The following JAZF1 variants were observed in gnomAD, a reference collection of about 807,000 sequenced individuals.
The protein encoded by JAZF1 is JAZF zinc finger 1.
In JAZF1, 8 loss-of-function variants were observed where a neutral mutation model predicts 26.4. The observed-to-expected ratio is 0.30, with a 90% confidence interval of 0.18 to 0.55. The LOEUF is 0.55. JAZF1 is among the 20% of genes least tolerant of loss of function. JAZF1 has a pLI of 0.94. For missense variants in JAZF1, 199 were observed against 322.0 expected (o/e 0.62, Z 2.92); for synonymous variants, 126 against 122.3 (o/e 1.03, Z -0.20).
intron 3 of JAZF1, among the ~76,000 whole-genome samples, chr7:27,879,745 C>A (rs571000838): frequency 6.6e-6 from 1 of 152,002 alleles, no homozygotes; most frequent in Non-Finnish European, 1.5e-5. Context: ...AGAAAATATA[C>A]TTGAATGAGA....
chr7:27,845,218 A>G (rs999923853), intron 3 of JAZF1, among the ~76,000 whole-genome samples: 1 of 152,254 alleles, frequency 6.6e-6, no homozygotes, highest in Non-Finnish European at 1.5e-5. Context: ...TGTGAGAGTC[A>G]CAGAAAGAAT....
intron 2 of JAZF1, among the ~76,000 whole-genome samples, chr7:27,896,422 G>C (rs1691191720): frequency 1.3e-5 from 2 of 152,148 alleles, no homozygotes; most frequent in South Asian, 4.1e-4. Flanking sequence ...ATGTATGATA[G>C]CGTTCAGATG....
chr7:28,020,759 C>A (rs778963300), intron 1 of JAZF1: 4 of 465,172 alleles, frequency 8.6e-6, no homozygotes, highest in South Asian at 6.2e-5. Flanking sequence ...GCCTCTGCAG[C>A]CTTGGCTGAG....
chr7:27,984,904 A>C (rs549392674), intron 2 of JAZF1, among the ~76,000 whole-genome samples: 20 of 152,340 alleles, frequency 1.3e-4, no homozygotes, highest in African/African-American at 4.6e-4. Context: ...TTTGAAACCA[A>C]TGAGAACAAA....
chr7:27,849,908 C>A (rs1210077559), intron 3 of JAZF1, among the ~76,000 whole-genome samples: 1 of 152,194 alleles, frequency 6.6e-6, no homozygotes, highest in Non-Finnish European at 1.5e-5. Context: ...TCTCCTCGAA[C>A]CTCTGCCCGC....
chr7:28,170,894 C>T (rs977023614), intron 1 of JAZF1, among the ~76,000 whole-genome samples: 1 of 152,216 alleles, frequency 6.6e-6, no homozygotes, highest in Non-Finnish European at 1.5e-5. Flanking sequence ...CCTGGCTGTT[C>T]TTTGCTCTGT....
At chr7:28,137,182 G>A (rs893254381) in intron 1 of JAZF1, among the ~76,000 whole-genome samples, 8 of 152,170 alleles carry the variant, frequency 5.3e-5, no homozygotes, top group South Asian at 4.1e-4. Context: ...AGAGAACTGC[G>A]GTGCTGTTTG....
intron 3 of JAZF1, among the ~76,000 whole-genome samples, chr7:27,849,542 G>A (rs546955521): frequency 2.3e-4 from 35 of 152,142 alleles, no homozygotes; most frequent in Non-Finnish European, 3.4e-4. Flanking sequence ...CCACTGTGGT[G>A]GGAACCTGGG....
intron 1 of JAZF1, among the ~76,000 whole-genome samples, chr7:28,035,094 A>G (rs1423083162): frequency 1.3e-5 from 2 of 152,016 alleles, no homozygotes; most frequent in Admixed American, 1.3e-4. Flanking sequence ...AGGCAAGTGG[A>G]TCACCTGAGG....
chr7:28,007,413 A>G (rs1782722998), intron 1 of JAZF1, among the ~76,000 whole-genome samples: 1 of 152,182 alleles, frequency 6.6e-6, no homozygotes, highest in Non-Finnish European at 1.5e-5. Context: ...TACTAAAAAT[A>G]CAAAAATTAG....
chr7:28,108,350 A>C (rs1242312397), intron 1 of JAZF1, among the ~76,000 whole-genome samples: 1 of 152,176 alleles, frequency 6.6e-6, no homozygotes, highest in Non-Finnish European at 1.5e-5. Context: ...CCTAGTTTCA[A>C]ATGAGGAGCC....
chr7:28,024,013 C>T (rs1783049483), intron 1 of JAZF1, among the ~76,000 whole-genome samples: 1 of 151,880 alleles, frequency 6.6e-6, no homozygotes, highest in South Asian at 2.1e-4. Flanking sequence ...GGGCTAGGCA[C>T]AGTGGCTCAT....
At chr7:27,982,623 T>G (rs1785609025) in intron 2 of JAZF1, among the ~76,000 whole-genome samples, 1 of 152,104 alleles carries the variant, frequency 6.6e-6, no homozygotes, top group African/African-American at 2.4e-5. Flanking sequence ...GGCACGGAGT[T>G]TGAAATCTGA....
chr7:27,924,805 G>A (rs774668985), intron 2 of JAZF1, among the ~76,000 whole-genome samples: 13 of 152,098 alleles, frequency 8.5e-5, no homozygotes, highest in Admixed American at 3.3e-4. Flanking sequence ...GGGCAAATCC[G>A]CATAAAGCTG....
At chr7:28,020,500 CT>C in intron 1 of JAZF1, 1 of 465,166 alleles carries the variant, frequency 2.1e-6, no homozygotes, top group South Asian at 1.6e-5. Flanking sequence ...CCTATGACCC[CT>C]AGGACTGATC....
rs1782674558 is a variant in JAZF1 at position 27,830,911 on chromosome 7, A to ATGAC, written c.*1885_*1888dup. ...ATTTAACATGCACAATGACTATTTT[A>ATGAC]TGACTGTTTAGCTGTTGAACTACTG... is the stretch of plus-strand genomic sequence containing the variant. On this transcript the variant is annotated 3_prime_UTR_variant, in exon 5 of 5. Transcript: ENST00000283928. 4.6e-6 allele frequency: 1 copy of ATGAC among 216,138 alleles called. No individual in the cohort carries two copies. Among genetic ancestry groups the ATGAC allele is most frequent in the South Asian group, 1.9e-4 (1 of 5,376 alleles). 13.4% of individuals were successfully genotyped at this position (216,138 alleles called of 1,614,324 possible). A position where few individuals can be genotyped will look rare whatever the true frequency, so the allele number is the denominator to read the frequency against.
intron 1 of JAZF1, among the ~76,000 whole-genome samples, chr7:28,167,138 T>A (rs943529152): frequency 6.6e-6 from 1 of 152,170 alleles, no homozygotes; most frequent in African/African-American, 2.4e-5. Context: ...TAAATACTAT[T>A]CCCATGCTCA....
intron 2 of JAZF1, among the ~76,000 whole-genome samples, chr7:27,974,444 C>T (rs78516224): frequency 0.013 from 1,997 of 152,198 alleles, 42 homozygotes; most frequent in African/African-American, 0.044. Context: ...TGGGGACTTC[C>T]TTAAGGAACT....
intron 2 of JAZF1, among the ~76,000 whole-genome samples, chr7:27,900,203 C>A (rs767648597): frequency 1.3e-5 from 2 of 152,156 alleles, no homozygotes; most frequent in Non-Finnish European, 2.9e-5. Flanking sequence ...CTGGAGCTGG[C>A]TCATACTGGG....
Sources: allele counts gnomAD v4.1 joint callset (sites outside exome capture counted in the v4.1 genomes callset), GRCh38; gene constraint gnomAD v4.1.1; transcripts MANE v1.5; gene names NCBI Gene and HGNC (gene_info 2026-07-23, HGNC 2026-07-21).